The following ADAMTS2 variants were observed in gnomAD, a reference collection of about 807,000 sequenced individuals.
ADAMTS2 encodes the protein A disintegrin and metalloproteinase with thrombospondin motifs 2.
A neutral mutation model predicts 123.0 loss-of-function variants in ADAMTS2; 50 were observed. That is an observed-to-expected ratio of 0.41 (90% CI 0.32 to 0.51). The LOEUF (loss-of-function observed/expected upper bound fraction) is 0.51, where lower values mean the gene tolerates loss of function less well. ADAMTS2 is among the 20% of genes least tolerant of loss of function. The probability of loss-of-function intolerance (pLI) is 0.35; values close to 1 mark genes in which losing one functional copy is unlikely to be tolerated. For missense variants in ADAMTS2, 1,494 were observed against 1,705.2 expected (o/e 0.88, Z 2.18); for synonymous variants, 678 against 695.4 (o/e 0.98, Z 0.39).
At chr5:179,214,235 C>T (rs7724752) in intron 3 of ADAMTS2, among the ~76,000 whole-genome samples, 88 of 76,946 alleles carry the variant, frequency 1.1e-3, no homozygotes, top group South Asian at 1.7e-3. Flanking sequence ...AAAATCGTGC[C>T]CACAGTCACC....
chr5:179,272,940 G>T lies in ADAMTS2; in HGVS notation c.659C>A (p.Pro220His). The T allele has an allele frequency of 6.2e-7, 1 of 1,611,586 alleles. No homozygotes were observed. ...GTCCAGGGCCTGTGGCCCCCCGAGA[G>T]GAGGGGACGTGGGTGGCCGGCGATA... ...VVYRRPPTSP[P>H]LGGPQALDTG... is the part of the protein sequence containing the mutation. Residue 220 changes from proline to histidine, a missense_variant, in exon 3 of 22, where the codon CCT becomes CAT. Coordinates refer to ENST00000251582, the MANE Select transcript of ADAMTS2 (RefSeq NM_014244.5). The surrounding 1 kb of genome is among the most constrained non-coding windows in gnomAD (Gnocchi z 5.8).
rs11743904 is a variant in ADAMTS2, at chr5:179,250,148, T to C, written c.688+22763A>G. ...ATTAGACAGAACCCAACACCCTTTGTGATCAAAAAATACTCAAGAAACAAG... is the reference window on the plus strand; with the variant it reads ...ATTAGACAGAACCCAACACCCTTTGCGATCAAAAAATACTCAAGAAACAAG... On this transcript the variant is annotated intron_variant, in intron 3 of 21. Transcript: ENST00000251582. Among the ~76,000 whole-genome samples, 1,507 of 152,238 alleles carry C rather than the reference T, an allele frequency of 9.9e-3. 7 individuals carry two copies. The highest frequency in any genetic ancestry group is 0.018 in the South Asian group (85 of 4,810).
intron 3 of ADAMTS2, among the ~76,000 whole-genome samples, chr5:179,257,516 G>A (rs115132649): frequency 0.011 from 1,703 of 152,266 alleles, 39 homozygotes; most frequent in African/African-American, 0.039. Flanking sequence ...CCTCAGTGCC[G>A]CATCCAACAG....
chr5:179,316,121 G>A (rs1438186911), intron 2 of ADAMTS2, among the ~76,000 whole-genome samples: 2 of 152,106 alleles, frequency 1.3e-5, no homozygotes, highest in African/African-American at 4.8e-5. Context: ...TCAGATCAGT[G>A]TAAACAGGGA....
intron 3 of ADAMTS2, among the ~76,000 whole-genome samples, chr5:179,258,733 C>T (rs756394030): frequency 1.3e-5 from 2 of 152,294 alleles, no homozygotes; most frequent in Non-Finnish European, 1.5e-5. Context: ...TTCTAGCGAG[C>T]GCCACCTCGA....
chr5:179,291,001 G>A (rs1012671540), intron 2 of ADAMTS2, among the ~76,000 whole-genome samples: 2 of 152,204 alleles, frequency 1.3e-5, no homozygotes, highest in African/African-American at 4.8e-5. Flanking sequence ...ATGGGGCCAC[G>A]GATGCCCCAG....
chr5:179,287,198 T>C (rs1036903390), intron 2 of ADAMTS2, among the ~76,000 whole-genome samples: 8 of 151,970 alleles, frequency 5.3e-5, no homozygotes, highest in African/African-American at 1.7e-4. Flanking sequence ...CCAGGATCAC[T>C]CCCCAGGGGC....
intron 2 of ADAMTS2, among the ~76,000 whole-genome samples, chr5:179,305,218 AG>A (rs754105057): frequency 5.3e-5 from 8 of 152,214 alleles, no homozygotes; most frequent in Non-Finnish European, 7.4e-5. Context: ...TTCTTCAGAC[AG>A]GGGGAAAATG....
Position 179,154,160 on chromosome 5 carries a change from C to A in ADAMTS2, c.1271G>T (p.Arg424Leu), listed in dbSNP as rs771811363. The change falls in exon 8 of 22, where the codon CGC (arginine) becomes CTC (leucine). Residue 424 changes from arginine to leucine, a missense_variant. Arg to Leu is a moderately radical substitution (Grantham distance 102). This residue lies in a region of ADAMTS2 where 953 missense variants were observed against 1,124.7 expected (regional missense o/e 0.85). Transcript: ENST00000251582. ...LGMEHDGQGN[R>L]CGDEVRLGSI... ...GCCCAGCCGCACCTCGTCGCCACAG[C>A]GGTTGCCCTGCCCGTCGTGCTCCAT... 2 of 1,571,396 alleles carry A rather than the reference C, an allele frequency of 1.3e-6. No homozygotes were observed. Among genetic ancestry groups the A allele is most frequent in the African/African-American group, 1.3e-5 (1 of 74,408 alleles).
intron 3 of ADAMTS2, among the ~76,000 whole-genome samples, chr5:179,232,863 AG>A (rs1426892702): frequency 6.6e-6 from 1 of 152,106 alleles, no homozygotes; most frequent in Non-Finnish European, 1.5e-5. Context: ...TAAAGTTTCA[AG>A]ATTCTCTTAG....
chr5:179,167,317 G>A (rs996188239), intron 5 of ADAMTS2, among the ~76,000 whole-genome samples: 7 of 152,080 alleles, frequency 4.6e-5, no homozygotes, highest in Non-Finnish European at 8.8e-5. Context: ...GGCCCGGGCC[G>A]GGGACGCACC....
At chr5:179,294,485 C>T (rs979030762) in intron 2 of ADAMTS2, among the ~76,000 whole-genome samples, 4 of 152,236 alleles carry the variant, frequency 2.6e-5, no homozygotes, top group African/African-American at 9.6e-5. Context: ...CAGGATCAAC[C>T]CGACCCAGGG....
chr5:179,139,965 C>T lies in ADAMTS2; in HGVS notation c.1700G>A (p.Trp567Ter). ...ACGTGAGCAGGAGCCAAACGGACTC[C>T]AAGCGCCCCAGCTGCCGTCCCGTTT... is the stretch of plus-strand genomic sequence containing the variant. ...ILKRDGSWGA[W>*]SPFGSCSRTC... The change falls in exon 11 of 22, where the codon TGG becomes TAG. Residue 567 changes from tryptophan (W) to a stop codon, truncating the protein, a stop_gained. Coordinates refer to ENST00000251582, the MANE Select transcript of ADAMTS2 (RefSeq NM_014244.5). LOFTEE classifies it high-confidence loss of function. 6.2e-7 allele frequency: 1 copy of T among 1,614,010 alleles called. No individual in the cohort carries two copies. The highest frequency in any genetic ancestry group is 8.5e-7 in the Non-Finnish European group (1 of 1,180,020).
intron 3 of ADAMTS2, among the ~76,000 whole-genome samples, chr5:179,271,495 G>GC (rs998420662): frequency 6.6e-6 from 1 of 152,204 alleles, no homozygotes; most frequent in Admixed American, 6.5e-5. Context: ...CTGGGGCCCT[G>GC]CCCCCGGGTC....
At chr5:179,296,496 T>C (rs1045681294) in intron 2 of ADAMTS2, among the ~76,000 whole-genome samples, 3 of 151,824 alleles carry the variant, frequency 2.0e-5, no homozygotes, top group Non-Finnish European at 4.4e-5. Context: ...GGAGGAGGGA[T>C]GGGGCTGGAC....
At chr5:179,278,166 C>CCCCCCGAGACCAAAGGCTGACA (rs1554094667) in intron 2 of ADAMTS2, among the ~76,000 whole-genome samples, 1 of 108,630 alleles carries the variant, frequency 9.2e-6, no homozygotes, top group African/African-American at 3.3e-5. Flanking sequence ...AAAGGCTGAC[C>CCCCCCGAGACCAAAGGCTGACA]CCCCCGAGAC....
intron 3 of ADAMTS2, among the ~76,000 whole-genome samples, chr5:179,227,056 T>A (rs903431380): frequency 6.6e-6 from 1 of 152,148 alleles, no homozygotes; most frequent in African/African-American, 2.4e-5. Context: ...AAACACAGTA[T>A]CTACAGGACA....
chr5:179,279,159 C>T (rs1766824005), intron 2 of ADAMTS2, among the ~76,000 whole-genome samples: 1 of 151,934 alleles, frequency 6.6e-6, no homozygotes, highest in African/African-American at 2.4e-5. Context: ...TGTCACTCAA[C>T]CTTGTCAACC....
chr5:179,305,295 A>G (rs960796453), intron 2 of ADAMTS2, among the ~76,000 whole-genome samples: 1 of 152,212 alleles, frequency 6.6e-6, no homozygotes, highest in African/African-American at 2.4e-5. Context: ...GAAAAAATAT[A>G]ACAGATTAGG....
Sources: allele counts gnomAD v4.1 joint callset (sites outside exome capture counted in the v4.1 genomes callset), GRCh38; gene constraint gnomAD v4.1.1; regional missense constraint gnomAD v4.1.1; non-coding constraint Gnocchi (gnomAD v3.1); transcripts MANE v1.5; gene names NCBI Gene and HGNC (gene_info 2026-07-23, HGNC 2026-07-21).